The following TAF3 variants were observed in gnomAD, a reference collection of about 807,000 sequenced individuals.
The protein encoded by TAF3 is TATA-box binding protein associated factor 3.
In TAF3, 7 loss-of-function variants were observed where a neutral mutation model predicts 80.6. The observed-to-expected ratio is 0.09, with a 90% CI of 0.05 to 0.16. The LOEUF (loss-of-function observed/expected upper bound fraction) is 0.16, where lower values mean the gene tolerates loss of function less well. Among genes scored for constraint, TAF3 ranks in the 10% least tolerant of loss-of-function variants. The pLI, the probability that TAF3 is intolerant of heterozygous loss-of-function variation, is 1.00. For synonymous variants in TAF3, 444 were observed against 446.1 expected, an observed-to-expected ratio of 1.00 and a Z score of 0.06; for missense variants, 921 against 1,140.2, an observed-to-expected ratio of 0.81 and a Z score of 2.77.
At chr10:7,867,516 G>A (rs1289230466) in intron 2 of TAF3, among the ~76,000 whole-genome samples, 2 of 152,150 alleles carry the variant, frequency 1.3e-5, no homozygotes, top group Non-Finnish European at 2.9e-5. Context: ...GCCTTTAGGA[G>A]ATCCACAGTG....
chr10:7,824,719 C>G (rs946310300), intron 2 of TAF3, among the ~76,000 whole-genome samples, 159 bp downstream of exon 2: 1 of 152,302 alleles, frequency 6.6e-6, no homozygotes. Flanking sequence ...AACAAACTTG[C>G]AACTGACATT....
At chr10:7,865,607 T>TCA (rs1465539763) in intron 2 of TAF3, among the ~76,000 whole-genome samples, 9 of 152,230 alleles carry the variant, frequency 5.9e-5, no homozygotes, top group Non-Finnish European at 1.3e-4. Flanking sequence ...GGCCTGCGTG[T>TCA]CGCTGGCTTT....
At chr10:7,954,486 CA>C (rs1838115791) in intron 2 of TAF3, among the ~76,000 whole-genome samples, 2 of 135,088 alleles carry the variant, frequency 1.5e-5, no homozygotes, top group African/African-American at 2.6e-5. Flanking sequence ...CCAGTTAACA[CA>C]GAGCTCTCCA....
At chr10:7,906,394 G>T (rs999175879) in intron 2 of TAF3, among the ~76,000 whole-genome samples, 2 of 152,178 alleles carry the variant, frequency 1.3e-5, no homozygotes, top group African/African-American at 4.8e-5. Context: ...GGTAACTACA[G>T]CTACATGATT....
chr10:7,921,001 C>T (rs931618657), intron 2 of TAF3, among the ~76,000 whole-genome samples: 4 of 151,994 alleles, frequency 2.6e-5, no homozygotes, highest in African/African-American at 7.2e-5. Flanking sequence ...ATATTAGTGG[C>T]GTTCTGTTTG....
At chr10:7,852,642 C>A (rs146510566) in intron 2 of TAF3, among the ~76,000 whole-genome samples, 1 of 152,278 alleles carries the variant, frequency 6.6e-6, no homozygotes, top group East Asian at 1.9e-4. Context: ...GTGTGTAACT[C>A]CGTCAGAGTA....
chr10:7,907,296 G>A (rs939840408), intron 2 of TAF3, among the ~76,000 whole-genome samples: 1 of 152,178 alleles, frequency 6.6e-6, no homozygotes, highest in African/African-American at 2.4e-5. Context: ...AGATTGTGAT[G>A]CCAGATGAGG....
intron 4 of TAF3, among the ~76,000 whole-genome samples, chr10:7,998,313 TG>T (rs1409696184): frequency 6.7e-6 from 1 of 148,376 alleles, no homozygotes; most frequent in Non-Finnish European, 1.5e-5. Context: ...GTAATTGAAC[TG>T]GGAATGTTAG....
chr10:7,824,224 A>G (rs1393274390), intron 1 of TAF3, 94 bp from the exon 2 acceptor site: 1 of 1,363,032 alleles, frequency 7.3e-7, no homozygotes, highest in African/African-American at 1.5e-5. Context: ...TTTGATTCTG[A>G]GCTGCATATT....
At chr10:7,941,838 CAG>C (rs1450513791) in intron 2 of TAF3, among the ~76,000 whole-genome samples, 3 of 152,162 alleles carry the variant, frequency 2.0e-5, no homozygotes, top group Non-Finnish European at 2.9e-5. Flanking sequence ...GTGTCAGCAA[CAG>C]AGGGGAGAGA....
intron 2 of TAF3, among the ~76,000 whole-genome samples, chr10:7,833,368 A>G (rs1260408352): frequency 6.6e-6 from 1 of 152,134 alleles, no homozygotes; most frequent in African/African-American, 2.4e-5. Flanking sequence ...AACACTTGTT[A>G]CCTTTCATCT....
At chr10:7,858,457 G>T (rs1837105590) in intron 2 of TAF3, among the ~76,000 whole-genome samples, 1 of 152,180 alleles carries the variant, frequency 6.6e-6, no homozygotes, top group Non-Finnish European at 1.5e-5. Context: ...ATTAGCAGGG[G>T]TTGTTCTTGC....
At chr10:7,888,746 C>G (rs890498302) in intron 2 of TAF3, among the ~76,000 whole-genome samples, 1 of 152,248 alleles carries the variant, frequency 6.6e-6, no homozygotes, top group African/African-American at 2.4e-5. Flanking sequence ...AAGACAGTGA[C>G]AGAGCTTTCG....
chr10:7,979,792 T>C (rs1251839009), intron 4 of TAF3, among the ~76,000 whole-genome samples: 1 of 151,044 alleles, frequency 6.6e-6, no homozygotes, highest in East Asian at 1.9e-4. Context: ...ATAAAACTTA[T>C]TCAGTAAAGT....
rs1004592158 is a variant in TAF3 at position 7,934,518 on chromosome 10, C to T, written c.410-29402C>T. Among the ~76,000 whole-genome samples the T allele has an allele frequency of 3.9e-5, 6 of 152,170 alleles. 1 individual carries two copies. Among genetic ancestry groups the T allele is most frequent in the Admixed American group, 3.3e-4 (5 of 15,276 alleles). On this transcript the variant is annotated intron_variant, in intron 2 of 6. Transcript: ENST00000344293. ...GGAGTGCAGTGGCACGATCTCAGCT[C>T]ATTGCAACCTTTGCTTTCCAAGTTC...
chr10:7,876,904 A>G (rs1837317438), intron 2 of TAF3, among the ~76,000 whole-genome samples: 1 of 152,148 alleles, frequency 6.6e-6, no homozygotes, highest in African/African-American at 2.4e-5. Flanking sequence ...TGCCAGACCT[A>G]TCACTTGTAC....
chr10:7,842,320 C>T (rs927089294), intron 2 of TAF3, among the ~76,000 whole-genome samples: 1 of 151,646 alleles, frequency 6.6e-6, no homozygotes, highest in Admixed American at 6.6e-5. Context: ...CCACCACACT[C>T]AACTAATTTT....
intron 2 of TAF3, among the ~76,000 whole-genome samples, chr10:7,854,656 TG>T (rs375461131): frequency 1.4e-3 from 24 of 16,796 alleles, no homozygotes; most frequent in South Asian, 6.8e-3. Flanking sequence ...AGCCCTCTAA[TG>T]GGGGGGCGGG....
At chr10:7,834,439 G>A (rs973034280) in intron 2 of TAF3, among the ~76,000 whole-genome samples, 1 of 151,708 alleles carries the variant, frequency 6.6e-6, no homozygotes, top group African/African-American at 2.4e-5. Context: ...TTGTCTCCAC[G>A]CTGGGAAATA....
Sources: allele counts gnomAD v4.1 joint callset (sites outside exome capture counted in the v4.1 genomes callset), GRCh38; gene constraint gnomAD v4.1.1; transcripts MANE v1.5; gene names NCBI Gene and HGNC (gene_info 2026-07-23, HGNC 2026-07-21).